The following RBFOX1 variants were observed in gnomAD, a reference collection of about 807,000 sequenced individuals.
RBFOX1 encodes RNA binding protein fox-1 homolog 1.
A neutral mutation model predicts 57.7 loss-of-function variants in RBFOX1; 8 were observed. The ratio of observed to expected loss-of-function variants is 0.14; its 90% confidence interval spans 0.08 to 0.25. The LOEUF (loss-of-function observed/expected upper bound fraction) is 0.25, where lower values mean the gene tolerates loss of function less well. RBFOX1 is among the 10% of genes least tolerant of loss of function. RBFOX1 has a pLI of 1.00. For missense variants in RBFOX1, 611 were observed against 548.5 expected (o/e 1.11, Z -1.14); for synonymous variants, 326 against 222.4 (o/e 1.47, Z -4.15).
chr16:7,492,375 A>T (rs1375557983), intron 4 of RBFOX1, among the ~76,000 whole-genome samples: 1 of 152,160 alleles, frequency 6.6e-6, no homozygotes, highest in Non-Finnish European at 1.5e-5. Context: ...TTGTATTTAA[A>T]TGACTATGTG....
intron 5 of RBFOX1, among the ~76,000 whole-genome samples, chr16:7,550,866 G>T (rs1471852263): frequency 6.6e-6 from 1 of 152,066 alleles, no homozygotes; most frequent in Non-Finnish European, 1.5e-5. Context: ...GGCCGAGGCA[G>T]GCGGATCACT....
intron 1 of RBFOX1, among the ~76,000 whole-genome samples, chr16:5,256,232 T>C (rs1326556041): frequency 6.6e-6 from 1 of 152,116 alleles, no homozygotes; most frequent in Admixed American, 6.5e-5. Flanking sequence ...TGGGTAGTAG[T>C]TGGAGATCCC....
chr16:7,707,070 G>C (rs928384456), intron 14 of RBFOX1, among the ~76,000 whole-genome samples: 1 of 152,220 alleles, frequency 6.6e-6, no homozygotes, highest in Non-Finnish European at 1.5e-5. Context: ...TTCACTGACA[G>C]ATTCACCTCA....
intron 4 of RBFOX1, among the ~76,000 whole-genome samples, chr16:7,421,094 A>G (rs554252017): frequency 1.3e-5 from 2 of 151,940 alleles, no homozygotes; most frequent in Non-Finnish European, 2.9e-5. Flanking sequence ...TGTCATTTCT[A>G]CGGTTGGCTT....
chr16:6,286,689 G>T (rs959912064), intron 1 of RBFOX1, among the ~76,000 whole-genome samples: 1 of 152,128 alleles, frequency 6.6e-6, no homozygotes, highest in African/African-American at 2.4e-5. Context: ...TTACCCACTG[G>T]ACTGGAGAAT....
intron 2 of RBFOX1, among the ~76,000 whole-genome samples, chr16:5,519,465 T>G (rs2043926905): frequency 6.6e-6 from 1 of 152,232 alleles, no homozygotes; most frequent in African/African-American, 2.4e-5. Context: ...GGCTCATGCC[T>G]GTAATCCCAG....
chr16:7,398,485 A>G (rs1021094372), intron 4 of RBFOX1, among the ~76,000 whole-genome samples: 4 of 152,264 alleles, frequency 2.6e-5, no homozygotes, highest in African/African-American at 4.8e-5. Flanking sequence ...GGTGATAGGC[A>G]TCAGTGGTTG....
At chr16:7,317,751 A>C (rs899101800) in intron 4 of RBFOX1, among the ~76,000 whole-genome samples, 1 of 152,154 alleles carries the variant, frequency 6.6e-6, no homozygotes, top group African/African-American at 2.4e-5. Context: ...ACAAATTACA[A>C]ATCTTATGGG....
rs1217290751 is a variant in RBFOX1 at position 5,946,300 on chromosome 16, GTTAT to G, written c.351+78968_351+78971del. On this transcript the variant is annotated intron_variant, in intron 4 of 19. Coordinates refer to the RBFOX1 transcript ENST00000641259. The surrounding 1 kb of genome is among the most constrained non-coding windows in gnomAD (Gnocchi z 4.6). ...ACAATCATAGGACCTCCCTCATAGG[GTTAT>G]TTGAGGCTCAGACTAAATGGATGTG... 6.6e-6 allele frequency among the ~76,000 whole-genome samples: 1 copy of G among 152,168 alleles called. No homozygotes were observed. Among genetic ancestry groups the G allele is most frequent in the African/African-American group, 2.4e-5 (1 of 41,442 alleles).
intron 11 of RBFOX1, among the ~76,000 whole-genome samples, chr16:7,635,176 C>T (rs1029146902): frequency 5.3e-5 from 8 of 152,260 alleles, no homozygotes; most frequent in African/African-American, 1.9e-4. Context: ...CACATCTCTT[C>T]CAAATTAATA....
Position 7,127,149 on chromosome 16 carries a change from C to G in RBFOX1, c.27+75051C>G, listed in dbSNP as rs114927931. ...ATGGTGGCTGGTGTTCTACCCCTGA[C>G]TGTGATTATAATTTCAGAGAAAGAA... is the stretch of plus-strand genomic sequence containing the variant. On this transcript the variant is annotated intron_variant, in intron 4 of 15. Coordinates refer to ENST00000550418, the MANE Select transcript of RBFOX1 (RefSeq NM_018723.4). Among the ~76,000 whole-genome samples, 785 of 152,208 alleles carry G rather than the reference C, an allele frequency of 5.2e-3. 7 individuals are homozygous for G. The highest frequency in any genetic ancestry group is 0.018 in the African/African-American group (751 of 41,514).
chr16:5,651,249 C>T (rs2049230307), intron 3 of RBFOX1, among the ~76,000 whole-genome samples: 1 of 151,678 alleles, frequency 6.6e-6, no homozygotes, highest in Non-Finnish European at 1.5e-5. Context: ...GACAGGGTTT[C>T]ACTATGTTGA....
At chr16:5,984,946 T>TTTTATATATATATATATATATATA (rs1450037668) in intron 4 of RBFOX1, among the ~76,000 whole-genome samples, 3 of 69,660 alleles carry the variant, frequency 4.3e-5, no homozygotes, top group Non-Finnish European at 4.8e-5. Flanking sequence ...GGCAACTCCA[T>TTTTATATATATATATATATATATA]TATATATATA....
chr16:7,526,011 G>T (rs2078620294), intron 5 of RBFOX1, among the ~76,000 whole-genome samples: 1 of 152,132 alleles, frequency 6.6e-6, no homozygotes, highest in Admixed American at 6.5e-5. Context: ...GAGCTGCACA[G>T]CAAAAGGTGA....
intron 2 of RBFOX1, among the ~76,000 whole-genome samples, chr16:5,532,822 T>C (rs1446155292): frequency 1.3e-5 from 2 of 152,130 alleles, no homozygotes; most frequent in Non-Finnish European, 2.9e-5. Context: ...GAAATAGCTG[T>C]GGGCAGAGTT....
intron 3 of RBFOX1, among the ~76,000 whole-genome samples, chr16:6,776,597 G>C (rs2079405531): frequency 6.6e-6 from 1 of 152,132 alleles, no homozygotes; most frequent in South Asian, 2.1e-4. Flanking sequence ...GACATTTGGA[G>C]CCTCTCTATG....
At chr16:7,478,719 C>T (rs1424669646) in intron 4 of RBFOX1, among the ~76,000 whole-genome samples, 2 of 152,166 alleles carry the variant, frequency 1.3e-5, no homozygotes, top group East Asian at 1.9e-4. Flanking sequence ...AATCCATTTG[C>T]TTTCCTTTTA....
At chr16:6,868,062 T>C (rs1420881309) in intron 3 of RBFOX1, among the ~76,000 whole-genome samples, 1 of 152,202 alleles carries the variant, frequency 6.6e-6, no homozygotes, top group African/African-American at 2.4e-5. Flanking sequence ...AGTAATGTTT[T>C]TGCCGTATGG....
intron 4 of RBFOX1, among the ~76,000 whole-genome samples, chr16:7,117,217 A>G (rs1453923521): frequency 4.6e-5 from 7 of 152,146 alleles, no homozygotes; most frequent in Admixed American, 3.9e-4. Flanking sequence ...GCTTTGTAAC[A>G]AGGGCATTGA....
Sources: allele counts gnomAD v4.1 joint callset (sites outside exome capture counted in the v4.1 genomes callset), GRCh38; gene constraint gnomAD v4.1.1; non-coding constraint Gnocchi (gnomAD v3.1); transcripts MANE v1.5; gene names NCBI Gene and HGNC (gene_info 2026-07-23, HGNC 2026-07-21).